Variants in ANKRD55 observed in about 807,000 individuals in gnomAD.
ANKRD55 encodes ankyrin repeat domain 55.
Under a neutral mutation model 60.6 loss-of-function variants are expected in ANKRD55, and 41 were observed. The ratio of observed to expected loss-of-function variants is 0.68; its 90% CI spans 0.53 to 0.88. ANKRD55 has a LOEUF of 0.88. ANKRD55 is among the 40% of genes least tolerant of loss of function. The pLI is 0.00. For missense variants in ANKRD55, 732 were observed against 767.6 expected, an observed-to-expected ratio of 0.95 and a Z score of 0.55; for synonymous variants, 264 against 290.3, an observed-to-expected ratio of 0.91 and a Z score of 0.92.
chr5:56,114,848 G>A (rs187738828), intron 9 of ANKRD55, among the ~76,000 whole-genome samples: 156 of 152,164 alleles, frequency 1.0e-3, no homozygotes, highest in African/African-American at 1.1e-3. Context: ...TTCCAACTAC[G>A]TATTTATATA....
intron 6 of ANKRD55, among the ~76,000 whole-genome samples, chr5:56,152,989 A>G (rs556828441): frequency 6.6e-6 from 1 of 152,296 alleles, no homozygotes; most frequent in Non-Finnish European, 1.5e-5. Context: ...AGGTACTATG[A>G]ACTATTTCAA....
chr5:56,133,241 C>A (rs938844325), intron 7 of ANKRD55, among the ~76,000 whole-genome samples: 1 of 150,886 alleles, frequency 6.6e-6, no homozygotes, highest in African/African-American at 2.5e-5. Flanking sequence ...GAGTTCGAGA[C>A]CAGCCTAGCC....
chr5:56,226,783 A>G lies in ANKRD55; in HGVS notation c.58+6073T>C, dbSNP rs551230949. ...CAAAGAAATGCAAATCAAAACCACA[A>G]TGAGATACCATCTCACACCAGTTAG... On this transcript the variant is annotated intron_variant, in intron 2 of 11. Transcript: ENST00000341048. 8.5e-4 allele frequency among the ~76,000 whole-genome samples: 130 copies of G among 152,358 alleles called. 1 individual carries two copies. The East Asian group carries it at 0.024, about 28-fold the overall frequency.
At chr5:56,149,989 G>A (rs1044770465) in intron 6 of ANKRD55, among the ~76,000 whole-genome samples, 2 of 151,838 alleles carry the variant, frequency 1.3e-5, no homozygotes, top group Admixed American at 6.6e-5. Context: ...CTACAGGTGC[G>A]AGCCACCACG....
chr5:56,224,347 G>A (rs1760050375), intron 2 of ANKRD55, among the ~76,000 whole-genome samples: 1 of 152,158 alleles, frequency 6.6e-6, no homozygotes, highest in Admixed American at 6.5e-5. Flanking sequence ...AGTGTGTAGA[G>A]GGAAATTTAT....
At chr5:56,186,631 AT>A (rs896330498) in intron 2 of ANKRD55, among the ~76,000 whole-genome samples, 7 of 152,114 alleles carry the variant, frequency 4.6e-5, no homozygotes, top group African/African-American at 1.7e-4. Flanking sequence ...TACTTAAAAA[AT>A]TTTTTTTTGG....
intron 2 of ANKRD55, among the ~76,000 whole-genome samples, chr5:56,207,834 C>T (rs1759551395): frequency 6.6e-6 from 1 of 152,160 alleles, no homozygotes; most frequent in South Asian, 2.1e-4. Flanking sequence ...AAACACTGCA[C>T]ACTCAGCTTA....
chr5:56,193,132 GAGA>G, intron 2 of ANKRD55: 2 of 680,664 alleles, frequency 2.9e-6, no homozygotes, highest in Non-Finnish European at 4.9e-6. Flanking sequence ...TTTATTTTAG[GAGA>G]AGATTTAAGC....
At chr5:56,160,636 A>G (rs1463470559) in intron 5 of ANKRD55, among the ~76,000 whole-genome samples, 1 of 152,198 alleles carries the variant, frequency 6.6e-6, no homozygotes, top group African/African-American at 2.4e-5. Flanking sequence ...CTAGCTGCAT[A>G]TGTCATGCCT....
chr5:56,137,206 G>A (rs920461098), intron 7 of ANKRD55: 71 of 1,610,146 alleles, frequency 4.4e-5, no homozygotes, highest in Non-Finnish European at 5.8e-5. Flanking sequence ...AAGCAGTGGG[G>A]CTGGACACAA....
intron 2 of ANKRD55, among the ~76,000 whole-genome samples, chr5:56,192,181 A>G (rs1034614936): frequency 6.6e-6 from 1 of 152,104 alleles, no homozygotes; most frequent in African/African-American, 2.4e-5. Context: ...TGCTTACATG[A>G]GGAGCATGTT....
At chr5:56,126,391 A>T (rs1198158557) in intron 8 of ANKRD55, among the ~76,000 whole-genome samples, 2 of 152,196 alleles carry the variant, frequency 1.3e-5, no homozygotes, top group African/African-American at 4.8e-5. Flanking sequence ...TTAGTATCTA[A>T]CTAGCTCTGA....
At chr5:56,127,595 A>G in intron 7 of ANKRD55, 1 of 985,000 alleles carries the variant, frequency 1.0e-6, no homozygotes, top group Non-Finnish European at 1.2e-6. Flanking sequence ...GTTTCGGGGT[A>G]GGGCCAAGGA....
At chr5:56,108,898 G>A (rs1432251802) in intron 10 of ANKRD55, among the ~76,000 whole-genome samples, 1 of 152,114 alleles carries the variant, frequency 6.6e-6, no homozygotes, top group Non-Finnish European at 1.5e-5. Flanking sequence ...TTAGTCAGGC[G>A]TGGTGGCACA....
chr5:56,191,061 T>G (rs1759083130), intron 2 of ANKRD55, among the ~76,000 whole-genome samples: 1 of 152,226 alleles, frequency 6.6e-6, no homozygotes, highest in South Asian at 2.1e-4. Flanking sequence ...TCTATTCTAC[T>G]GATCTATATG....
intron 2 of ANKRD55, among the ~76,000 whole-genome samples, chr5:56,232,544 G>A (rs1271114025): frequency 1.3e-5 from 2 of 152,192 alleles, no homozygotes; most frequent in African/African-American, 4.8e-5. Flanking sequence ...AATAGTTGGT[G>A]TGCTTGAAAT....
chr5:56,187,188 G>A (rs1195394640), intron 2 of ANKRD55, among the ~76,000 whole-genome samples: 1 of 152,226 alleles, frequency 6.6e-6, no homozygotes, highest in African/African-American at 2.4e-5. Flanking sequence ...CCAGCTGGAT[G>A]TCCTAGGCTG....
chr5:56,228,788 GT>G (rs1404467197), intron 2 of ANKRD55, among the ~76,000 whole-genome samples: 1 of 152,128 alleles, frequency 6.6e-6, no homozygotes, highest in Non-Finnish European at 1.5e-5. Flanking sequence ...AATTTCTGTT[GT>G]TTTAAGCTAC....
intron 4 of ANKRD55, 90 bp from the exon 5 acceptor site, chr5:56,170,893 T>A: frequency 1.6e-6 from 2 of 1,222,176 alleles, no homozygotes; most frequent in South Asian, 1.3e-5. Flanking sequence ...TCCCTTTCTC[T>A]GGTTTGGTTA....
Sources: allele counts gnomAD v4.1 joint callset (sites outside exome capture counted in the v4.1 genomes callset), GRCh38; gene constraint gnomAD v4.1.1; transcripts MANE v1.5; gene names NCBI Gene and HGNC (gene_info 2026-07-23, HGNC 2026-07-21).